The following TUSC3 variants were observed in gnomAD, a reference collection of about 807,000 sequenced individuals.
The protein encoded by TUSC3 is dolichyl-diphosphooligosaccharide--protein glycosyltransferase subunit TUSC3.
Under a neutral mutation model 44.8 loss-of-function variants are expected in TUSC3, and 45 were observed. That is an observed-to-expected ratio of 1.00 (90% CI 0.79 to 1.29). The LOEUF is 1.29. Among genes scored for constraint, TUSC3 ranks in the 50% most tolerant of loss-of-function variants. TUSC3 has a pLI of 0.00. For synonymous variants in TUSC3, 212 were observed against 152.9 expected (o/e 1.39, Z -2.85); for missense variants, 519 against 437.9 (o/e 1.19, Z -1.65).
intron 7 of TUSC3, among the ~76,000 whole-genome samples, chr8:15,736,298 A>G (rs1428859175): frequency 6.6e-6 from 1 of 152,204 alleles, no homozygotes; most frequent in Non-Finnish European, 1.5e-5. Context: ...TCAAATGTCC[A>G]AAATTCAGTA....
upstream of TUSC3, among the ~76,000 whole-genome samples, chr8:15,537,772 A>G (rs1215644602): frequency 2.6e-5 from 4 of 152,222 alleles, no homozygotes; most frequent in African/African-American, 9.6e-5. Flanking sequence ...ATTGCTTACA[A>G]TAAAGAAATT....
At chr8:15,493,123 A>G (rs1800832223) in intron 2 of TUSC3, among the ~76,000 whole-genome samples, 1 of 152,244 alleles carries the variant, frequency 6.6e-6, no homozygotes, top group Non-Finnish European at 1.5e-5. Flanking sequence ...TATTATTAAC[A>G]GAATAAGGAT....
Position 15,728,998 on chromosome 8 carries a change from T to TG in TUSC3, c.799-1663dup, listed in dbSNP as rs140439107. 9.1e-3 allele frequency among the ~76,000 whole-genome samples: 1,383 copies of TG among 152,168 alleles called. 20 individuals carry two copies. The highest frequency in any genetic ancestry group is 0.032 in the African/African-American group (1,340 of 41,520). ...GAGATATGACCATAGGATTTGGTAA[T>TG]GGGGGAGTCCATTGATGACCTTGAC... is the stretch of plus-strand genomic sequence containing the variant. On this transcript the variant is annotated intron_variant, in intron 6 of 10. Coordinates refer to ENST00000503731, the MANE Select transcript of TUSC3 (RefSeq NM_006765.4).
chr8:15,592,576 A>T (rs1357843675), intron 1 of TUSC3, among the ~76,000 whole-genome samples: 1 of 152,160 alleles, frequency 6.6e-6, no homozygotes, highest in Non-Finnish European at 1.5e-5. Flanking sequence ...ACCATGTGAT[A>T]CATTGGCTCC....
intron 2 of TUSC3, among the ~76,000 whole-genome samples, chr8:15,522,663 C>T (rs1379366582): frequency 6.6e-6 from 1 of 151,948 alleles, no homozygotes; most frequent in East Asian, 1.9e-4. Context: ...TGTTTCCCTA[C>T]TCCATCTCTA....
intron 7 of TUSC3, 118 bp from the exon 8 acceptor site, chr8:15,743,420 G>T: frequency 2.0e-6 from 2 of 987,340 alleles, no homozygotes; most frequent in Admixed American, 1.7e-5. Flanking sequence ...GTAATTGATT[G>T]TATTTACCTC....
At chr8:15,596,273 A>G (rs1804062112) in intron 1 of TUSC3, among the ~76,000 whole-genome samples, 1 of 152,182 alleles carries the variant, frequency 6.6e-6, no homozygotes. Context: ...AAAATATGCC[A>G]TGTTTTTAGG....
intron 1 of TUSC3, among the ~76,000 whole-genome samples, chr8:15,457,821 T>TTAA (rs201342273): frequency 0.77 from 113,025 of 147,050 alleles, 43,517 homozygotes; most frequent in Admixed American, 0.81. Context: ...TATTAGATAA[T>TTAA]TAATTATTAA....
At chr8:15,486,911 A>G (rs1800739897) in intron 2 of TUSC3, among the ~76,000 whole-genome samples, 1 of 152,162 alleles carries the variant, frequency 6.6e-6, no homozygotes, top group Admixed American at 6.5e-5. Context: ...GACTGTATTT[A>G]TTTTTCTAAT....
At chr8:15,658,661 AATACAATATATATACAC>A (rs1327624511) in intron 3 of TUSC3, among the ~76,000 whole-genome samples, 25 of 111,530 alleles carry the variant, frequency 2.2e-4, no homozygotes, top group East Asian at 2.1e-3. Flanking sequence ...CACACACACA[AATACAATATATATACAC>A]ATACAATATA....
chr8:15,616,874 A>C (rs546147968), intron 1 of TUSC3, among the ~76,000 whole-genome samples: 1 of 152,218 alleles, frequency 6.6e-6, no homozygotes, highest in East Asian at 1.9e-4. Context: ...GCCCAGCCAC[A>C]GGCCAAGCAT....
the TUSC3 span, among the ~76,000 whole-genome samples, chr8:15,799,850 T>C: frequency 6.6e-6 from 1 of 152,184 alleles, no homozygotes; most frequent in Non-Finnish European, 1.5e-5. Context: ...CCCCAGGTCA[T>C]AGATGAAAGA....
intron 6 of TUSC3, among the ~76,000 whole-genome samples, chr8:15,695,494 G>A (rs1809121229): frequency 6.6e-6 from 1 of 152,116 alleles, no homozygotes; most frequent in Non-Finnish European, 1.5e-5. Context: ...GTCTTTATCA[G>A]CAGTGTGAAA....
At chr8:15,541,809 C>T (rs1389009561) in intron 1 of TUSC3, among the ~76,000 whole-genome samples, 1 of 113,634 alleles carries the variant, frequency 8.8e-6, no homozygotes, top group African/African-American at 2.6e-5. Flanking sequence ...TAGGAGTTCA[C>T]GAGAAAGGTA....
At chr8:15,486,257 G>A (rs10102833) in intron 2 of TUSC3, among the ~76,000 whole-genome samples, 152,303 of 152,336 alleles carry the variant, frequency 1, 76,135 homozygotes, top group Middle Eastern at 1. Context: ...ACTTTAGGCA[G>A]TTATTCACAG....
At chr8:15,421,011 A>C (rs1799731971) in intron 1 of TUSC3, among the ~76,000 whole-genome samples, 1 of 152,158 alleles carries the variant, frequency 6.6e-6, no homozygotes, top group Admixed American at 6.5e-5. Context: ...TCTTCCCAAG[A>C]CTTCTGTCTT....
chr8:15,506,428 C>G (rs1478802629), intron 2 of TUSC3, among the ~76,000 whole-genome samples: 1 of 152,200 alleles, frequency 6.6e-6, no homozygotes, highest in African/African-American at 2.4e-5. Flanking sequence ...AATTATCTGA[C>G]CTAACTTGTT....
Position 15,456,786 on chromosome 8 carries a change from G to A in TUSC3, n.92-26600G>A, listed in dbSNP as rs145697408. ...CAAATTCAAACAGAGAAGGAGAAGA[G>A]GAGGAGGAAAAAAACTCAACGACAA... On this transcript the variant is annotated intron_variant and non_coding_transcript_variant, in intron 1 of 5. Coordinates refer to the TUSC3 transcript ENST00000503191. 2.8e-4 allele frequency among the ~76,000 whole-genome samples: 42 copies of A among 151,992 alleles called. 1 individual carries two copies. In the East Asian group the frequency reaches 8.1e-3, roughly 29 times the overall value.
Position 15,722,353 on chromosome 8 carries a change from C to T in TUSC3, c.799-8313C>T, listed in dbSNP as rs150238764. Among the ~76,000 whole-genome samples, 411 of 151,538 alleles carry T rather than the reference C, an allele frequency of 2.7e-3. 1 individual carries two copies. The highest frequency in any genetic ancestry group is 8.7e-3 in the African/African-American group (361 of 41,322). ...GAGAGCTATTTCTCCATTTTACTAT[C>T]AGGACAGATAACTTTTTATGAAGAA... On this transcript the variant is annotated intron_variant, in intron 6 of 10. Coordinates refer to ENST00000503731, the MANE Select transcript of TUSC3 (RefSeq NM_006765.4).
Sources: gnomAD v4.1 joint callset for allele counts (sites outside exome capture counted in the v4.1 genomes callset) on GRCh38, gnomAD v4.1.1 for gene constraint, MANE v1.5 for transcripts, NCBI Gene and HGNC (gene_info 2026-07-23, HGNC 2026-07-21) for gene names.